Variants in UNC80 observed in about 807,000 individuals in gnomAD.
UNC80 encodes protein unc-80 homolog.
Under a neutral mutation model 384.6 loss-of-function variants are expected in UNC80, and 164 were observed. That is an observed-to-expected ratio of 0.43 (90% CI 0.38 to 0.49). UNC80 has a LOEUF of 0.49. Ranked by LOEUF, UNC80 falls within the 20% of genes least tolerant of loss-of-function variation. UNC80 has a pLI of 0.00. For missense variants in UNC80, 3,330 were observed against 4,143.0 expected (o/e 0.80, Z 5.39); for synonymous variants, 1,486 against 1,527.8 (o/e 0.97, Z 0.64).
intron 7 of UNC80, among the ~76,000 whole-genome samples, chr2:209,798,452 T>C (rs1437748108): frequency 6.6e-6 from 1 of 152,146 alleles, no homozygotes; most frequent in Non-Finnish European, 1.5e-5. Context: ...GTCAGGTTTG[T>C]CAAAGATCAG....
At chr2:209,925,332 C>G (rs745780059) in intron 35 of UNC80, among the ~76,000 whole-genome samples, 54 of 152,228 alleles carry the variant, frequency 3.5e-4, no homozygotes, top group African/African-American at 1.2e-3. Flanking sequence ...TTCCTTCCAG[C>G]GGGTTCTTGG....
At chr2:209,983,586 AT>A (rs1164153623) in intron 60 of UNC80, among the ~76,000 whole-genome samples, 6 of 148,680 alleles carry the variant, frequency 4.0e-5, no homozygotes, top group African/African-American at 1.5e-4. Context: ...GCTATCAGTT[AT>A]TTTTAATTGC....
chr2:209,916,943 G>T (rs1264578097), intron 31 of UNC80, among the ~76,000 whole-genome samples: 1 of 152,094 alleles, frequency 6.6e-6, no homozygotes. Flanking sequence ...TATCATTATT[G>T]TTCTTATTGG....
chr2:209,866,533 C>CACAGAG lies in UNC80; in HGVS notation c.3628-6224_3628-6223insCAGAGA, dbSNP rs1307214321. 3.7e-4 allele frequency among the ~76,000 whole-genome samples: 39 copies of CACAGAG among 104,120 alleles called. 1 individual carries two copies. The South Asian group carries it at 6.1e-3, about 16-fold the overall frequency. 68.3% of individuals were successfully genotyped at this position (104,120 alleles called of 152,430 possible). On this transcript the variant is annotated intron_variant, in intron 22 of 64. Coordinates refer to ENST00000673920, the MANE Select transcript of UNC80 (RefSeq NM_001371986.1). ...ACACACACACACACACACACACACA[C>CACAGAG]AGAGAGAGAGAGAGAGAGAGAGAGA...
chr2:209,916,764 A>G (rs2089575152), intron 31 of UNC80, among the ~76,000 whole-genome samples: 1 of 152,242 alleles, frequency 6.6e-6, no homozygotes. Flanking sequence ...AACCAAACCC[A>G]GATTTTCTGA....
intron 21 of UNC80, among the ~76,000 whole-genome samples, chr2:209,848,838 T>G (rs1168335997): frequency 6.6e-6 from 1 of 152,150 alleles, no homozygotes; most frequent in Non-Finnish European, 1.5e-5. Context: ...TTGTATGTGG[T>G]GCACTGTCAT....
Position 209,939,649 on chromosome 2 carries a change from C to T in UNC80, c.6643C>T (p.Gln2215Ter). ...TGAGTTTTCACTCTTCAGTGATCCT[C>T]AAGGTATCAAACAAAGAAACATTGC... ...DAEFSLFSDP[Q>*]AGKELFGLDT... Residue 2215 changes from glutamine to a stop codon, truncating the protein, a stop_gained, in exon 43 of 65, where the codon CAA becomes TAA. Coordinates refer to ENST00000673920, the MANE Select transcript of UNC80 (RefSeq NM_001371986.1). LOFTEE classifies it high-confidence loss of function. 1 of 1,545,492 alleles carries T rather than the reference C, an allele frequency of 6.5e-7. No individual in the cohort carries two copies. Among genetic ancestry groups the T allele is most frequent in the Non-Finnish European group, 8.7e-7 (1 of 1,143,380 alleles).
chr2:209,931,928 G>A (rs1451273026), intron 38 of UNC80, among the ~76,000 whole-genome samples: 1 of 152,128 alleles, frequency 6.6e-6, no homozygotes, highest in Non-Finnish European at 1.5e-5. Flanking sequence ...AAAATGCATA[G>A]TCTCTAGGAA....
intron 47 of UNC80, 101 bp downstream of exon 47, chr2:209,946,044 C>A: frequency 1.1e-6 from 1 of 872,006 alleles, no homozygotes; most frequent in Non-Finnish European, 1.8e-6. Context: ...ATCAGACTAA[C>A]ATTCTGACAA....
intron 25 of UNC80, among the ~76,000 whole-genome samples, chr2:209,884,484 C>G (rs2085593634): frequency 1.3e-5 from 2 of 152,156 alleles, no homozygotes; most frequent in African/African-American, 4.8e-5. Flanking sequence ...ACTGCTGAAA[C>G]TTGCTTAGCC....
intron 23 of UNC80, among the ~76,000 whole-genome samples, chr2:209,875,007 C>CAG (rs1190990657): frequency 6.6e-6 from 1 of 152,128 alleles, no homozygotes; most frequent in African/African-American, 2.4e-5. Flanking sequence ...CCCCTTAGGC[C>CAG]AGATCCCCAT....
intron 5 of UNC80, 42 bp downstream of exon 5, chr2:209,786,231 C>T (rs1452492069): frequency 6.3e-7 from 1 of 1,589,456 alleles, no homozygotes; most frequent in South Asian, 1.1e-5. Flanking sequence ...TTAGCAGATT[C>T]CCTCACACAC....
intron 22 of UNC80, among the ~76,000 whole-genome samples, chr2:209,852,350 G>A (rs371211644): frequency 6.6e-6 from 1 of 152,108 alleles, no homozygotes; most frequent in Non-Finnish European, 1.5e-5. Flanking sequence ...GAGAATCTGG[G>A]TAGACATGAT....
intron 5 of UNC80, among the ~76,000 whole-genome samples, chr2:209,788,740 A>G (rs1477274615): frequency 6.6e-6 from 1 of 151,292 alleles, no homozygotes; most frequent in African/African-American, 2.4e-5. Flanking sequence ...AGAGTCAAAA[A>G]GTTTAAAAAA....
At chr2:209,937,387 G>A (rs2124973917) in intron 41 of UNC80, 142 bp from the exon 42 acceptor site, 2 of 627,922 alleles carry the variant, frequency 3.2e-6, no homozygotes, top group South Asian at 4.0e-5. Flanking sequence ...TGATCTTCCA[G>A]AGTGTTGTTT....
chr2:209,784,160 A>G (rs950572775), intron 4 of UNC80, among the ~76,000 whole-genome samples: 12 of 152,170 alleles, frequency 7.9e-5, no homozygotes, highest in African/African-American at 2.9e-4. Flanking sequence ...TGTGTCTTCA[A>G]AATGCATTGA....
chr2:209,853,568 T>A (rs2082682426), intron 22 of UNC80, among the ~76,000 whole-genome samples: 3 of 152,066 alleles, frequency 2.0e-5, no homozygotes, highest in African/African-American at 7.2e-5. Context: ...CTGTAAGGCA[T>A]TTTTTAAAAG....
chr2:209,964,144 T>C (rs1192011093), intron 51 of UNC80, among the ~76,000 whole-genome samples: 1 of 152,170 alleles, frequency 6.6e-6, no homozygotes, highest in African/African-American at 2.4e-5. Flanking sequence ...TCTCTTGGAG[T>C]AATCACAATT....
intron 23 of UNC80, among the ~76,000 whole-genome samples, chr2:209,877,332 G>A (rs922935523): frequency 7.2e-5 from 11 of 152,056 alleles, no homozygotes; most frequent in African/African-American, 2.4e-4. Context: ...TATTATCCAC[G>A]TGCTGAGTTA....
Sources: gnomAD v4.1 joint callset for allele counts (sites outside exome capture counted in the v4.1 genomes callset) on GRCh38, gnomAD v4.1.1 for gene constraint, MANE v1.5 for transcripts, NCBI Gene and HGNC (gene_info 2026-07-23, HGNC 2026-07-21) for gene names.